TENM2: variants seen among roughly 807,000 people sequenced by gnomAD.
The protein encoded by TENM2 is teneurin transmembrane protein 2.
In TENM2, 52 loss-of-function variants were observed where a neutral mutation model predicts 245.2. The ratio of observed to expected loss-of-function variants is 0.21; its 90% CI spans 0.17 to 0.27. TENM2 has a LOEUF of 0.27. Ranked by LOEUF, TENM2 falls within the 10% of genes least tolerant of loss-of-function variation. The pLI is 1.00. For synonymous variants in TENM2, 1,363 were observed against 1,438.9 expected (o/e 0.95, Z 1.19); for missense variants, 3,046 against 3,666.8 (o/e 0.83, Z 4.37).
At chr5:167,227,560 C>G in the TENM2 span, among the ~76,000 whole-genome samples, 3 of 151,974 alleles carry the variant, frequency 2.0e-5, no homozygotes, top group Non-Finnish European at 4.4e-5. Context: ...TTTTTTTTCT[C>G]TCAGCACTTT....
At chr5:167,489,619 T>C (rs996719382) in intron 2 of TENM2, among the ~76,000 whole-genome samples, 2 of 152,204 alleles carry the variant, frequency 1.3e-5, no homozygotes, top group Non-Finnish European at 2.9e-5. Flanking sequence ...TACTCTACAG[T>C]ATGCTAGTTT....
intron 2 of TENM2, among the ~76,000 whole-genome samples, chr5:167,865,727 G>A (rs918851600): frequency 2.0e-5 from 3 of 152,178 alleles, no homozygotes; most frequent in Admixed American, 6.5e-5. Context: ...CCTCCAAGGA[G>A]CACCAAGTGA....
intron 2 of TENM2, among the ~76,000 whole-genome samples, chr5:167,816,601 G>A (rs185405237): frequency 2.0e-5 from 3 of 152,148 alleles, no homozygotes; most frequent in African/African-American, 7.2e-5. Flanking sequence ...CAATTCTGCC[G>A]CCAGTGAGAC....
intron 1 of TENM2, among the ~76,000 whole-genome samples, chr5:167,323,834 A>G (rs1027296705): frequency 3.3e-5 from 5 of 152,218 alleles, no homozygotes; most frequent in Admixed American, 3.3e-4. Flanking sequence ...AAATGCAAAT[A>G]TCAACGTCAC....
At chr5:167,714,208 C>A (rs1447367416) in intron 2 of TENM2, among the ~76,000 whole-genome samples, 1 of 152,168 alleles carries the variant, frequency 6.6e-6, no homozygotes, top group East Asian at 1.9e-4. Flanking sequence ...TTCCCTCTTA[C>A]TTTGTTGTGA....
At chr5:167,271,036 A>G in the TENM2 span, among the ~76,000 whole-genome samples, 1 of 152,166 alleles carries the variant, frequency 6.6e-6, no homozygotes, top group Non-Finnish European at 1.5e-5. Flanking sequence ...TTGATGGTGC[A>G]TCCTCTGCAC....
chr5:167,126,851 G>T, the TENM2 span, among the ~76,000 whole-genome samples: 11 of 152,284 alleles, frequency 7.2e-5, no homozygotes, highest in South Asian at 2.1e-3. Flanking sequence ...ACTAAGGTGA[G>T]TTTATAAGAT....
chr5:167,239,792 G>A, the TENM2 span, among the ~76,000 whole-genome samples: 279 of 152,280 alleles, frequency 1.8e-3, 2 homozygotes, highest in Middle Eastern at 0.041. Context: ...TTTATTTTGA[G>A]ATGGAGTTTT....
the TENM2 span, among the ~76,000 whole-genome samples, chr5:167,224,354 T>G: frequency 1.3e-5 from 2 of 152,102 alleles, no homozygotes; most frequent in Non-Finnish European, 2.9e-5. Flanking sequence ...CTATCTTGAG[T>G]TGATTGCTGG....
the TENM2 span, among the ~76,000 whole-genome samples, chr5:167,122,865 C>T: frequency 3.0e-4 from 45 of 152,250 alleles, no homozygotes; most frequent in Admixed American, 5.9e-4. Flanking sequence ...AAGGTGTGAG[C>T]TGTACCTGTA....
intron 2 of TENM2, among the ~76,000 whole-genome samples, chr5:167,789,516 G>A (rs1009640444): frequency 6.6e-6 from 1 of 152,180 alleles, no homozygotes; most frequent in East Asian, 1.9e-4. Context: ...GGCTGCTCCT[G>A]GTCCATGGGT....
the TENM2 span, among the ~76,000 whole-genome samples, chr5:167,049,399 A>C: frequency 1.3e-5 from 2 of 152,250 alleles, no homozygotes; most frequent in Non-Finnish European, 2.9e-5. Context: ...AAATAGAATT[A>C]CAAGTGACTT....
At chr5:167,853,890 G>A (rs1770829525) in intron 2 of TENM2, among the ~76,000 whole-genome samples, 1 of 152,076 alleles carries the variant, frequency 6.6e-6, no homozygotes, top group Admixed American at 6.5e-5. Flanking sequence ...CACAAAAAAA[G>A]TCTTATTAAG....
At chr5:168,028,205 T>TA (rs1465129637) in intron 5 of TENM2, among the ~76,000 whole-genome samples, 1 of 152,174 alleles carries the variant, frequency 6.6e-6, no homozygotes, top group Non-Finnish European at 1.5e-5. Flanking sequence ...CACATGTCTC[T>TA]AAGGAGCTTT....
chr5:168,001,050 TG>T, intron 5 of TENM2, among the ~76,000 whole-genome samples: 1 of 151,380 alleles, frequency 6.6e-6, no homozygotes, highest in Non-Finnish European at 1.5e-5. Context: ...AGTACATATT[TG>T]TTGAACTCAT....
At chr5:167,908,874 C>A (rs981966611) in intron 3 of TENM2, among the ~76,000 whole-genome samples, 3 of 151,848 alleles carry the variant, frequency 2.0e-5, no homozygotes. Flanking sequence ...GTCTGCACAC[C>A]ATGGGCATCA....
intron 2 of TENM2, among the ~76,000 whole-genome samples, chr5:167,755,399 G>A (rs1335041610): frequency 6.6e-6 from 1 of 151,214 alleles, no homozygotes. Context: ...ATTCCTATCA[G>A]GTTGTTGATC....
chr5:168,220,707 C>T lies in TENM2; in HGVS notation c.5108+1708C>T, dbSNP rs114575605. On this transcript the variant is annotated intron_variant, in intron 23 of 28. Coordinates refer to ENST00000518659, the Ensembl canonical transcript of TENM2. ...CAGCCAACTTAAAAATCAGACATAA[C>T]TTCACCTCCTGTCAGGGCAGTGTGG... Among the ~76,000 whole-genome samples, 527 of 152,272 alleles carry T rather than the reference C, an allele frequency of 3.5e-3. 5 individuals carry two copies. The highest frequency in any genetic ancestry group is 4.4e-3 in the Non-Finnish European group (297 of 68,014).
intron 25 of TENM2, chr5:168,229,704 C>G (rs1048866329): frequency 6.6e-6 from 1 of 152,170 alleles, no homozygotes; most frequent in Non-Finnish European, 1.5e-5. Context: ...ATCCAGCCAG[C>G]CCAGGTGACC....
Sources: allele counts gnomAD v4.1 joint callset (sites outside exome capture counted in the v4.1 genomes callset), GRCh38; gene constraint gnomAD v4.1.1; transcripts MANE v1.5; gene names NCBI Gene and HGNC (gene_info 2026-07-23, HGNC 2026-07-21).